ATG101: variants seen among roughly 807,000 people sequenced by gnomAD.
The protein encoded by ATG101 is autophagy-related protein 101.
Under a neutral mutation model 16.7 loss-of-function variants are expected in ATG101, and 6 were observed. That is an observed-to-expected ratio of 0.36 (90% CI 0.20 to 0.71). The LOEUF (loss-of-function observed/expected upper bound fraction) is 0.71, where lower values mean the gene tolerates loss of function less well. Ranked by LOEUF, ATG101 falls within the 30% of genes least tolerant of loss-of-function variation. ATG101 has a pLI of 0.57. For missense variants in ATG101, 200 were observed against 292.5 expected, an observed-to-expected ratio of 0.68 and a Z score of 2.31; for synonymous variants, 108 against 118.1, an observed-to-expected ratio of 0.91 and a Z score of 0.56.
chr12:52,073,831 G>T lies in ATG101; in HGVS notation c.181G>T (p.Asp61Tyr). The change falls in exon 3 of 4, where the codon GAC becomes TAC. Residue 61 changes from aspartate (D) to tyrosine (Y), a missense_variant. Physicochemically the swap from Asp to Tyr is radical, Grantham distance 160. Transcript: ENST00000336854. The part of the protein sequence containing the change: ...GTQDVDCDFI[D>Y]FTYVRVSSEE... ...CCAGGATGTTGACTGTGACTTCATC[G>T]ACTTCACTTATGTGCGTGTCTCTTC... The T allele has an allele frequency of 6.2e-7, 1 of 1,614,188 alleles. No homozygotes were observed. Among genetic ancestry groups the T allele is most frequent in the South Asian group, 1.1e-5 (1 of 91,076 alleles).
intron 2 of ATG101, among the ~76,000 whole-genome samples, chr12:52,071,808 TAAATA>T (rs770577391): frequency 2.0e-5 from 3 of 152,030 alleles, no homozygotes; most frequent in Non-Finnish European, 2.9e-5. Flanking sequence ...CCCCATTTCA[TAAATA>T]AAATAAATAA....
chr12:52,066,840 C>T (rs1025790454), upstream of ATG101, among the ~76,000 whole-genome samples: 1 of 152,190 alleles, frequency 6.6e-6, no homozygotes, highest in African/African-American at 2.4e-5. Flanking sequence ...ACTTCCCTTA[C>T]TCACTGGCAG....
chr12:52,066,890 CT>C (rs1170814194), upstream of ATG101, among the ~76,000 whole-genome samples: 1 of 152,206 alleles, frequency 6.6e-6, no homozygotes, highest in Admixed American at 6.5e-5. Context: ...CACTCCAGGA[CT>C]GGTTCCAACC....
At chr12:52,073,489 C>G in intron 2 of ATG101, 86 bp from the exon 3 acceptor site, 2 of 878,292 alleles carry the variant, frequency 2.3e-6, no homozygotes, top group Non-Finnish European at 3.5e-6. Context: ...CCAGTGGAGG[C>G]AGAGGCTGAG....
At chr12:52,071,258 A>T (rs1939645986) in intron 2 of ATG101, 1 of 152,208 alleles carries the variant, frequency 6.6e-6, no homozygotes, top group African/African-American at 2.4e-5. Flanking sequence ...ACAAACTGAA[A>T]TATACTTTTT....
upstream of ATG101, among the ~76,000 whole-genome samples, chr12:52,065,712 A>G (rs1939541910): frequency 6.6e-6 from 1 of 152,338 alleles, no homozygotes; most frequent in African/African-American, 2.4e-5. Flanking sequence ...GAGTAGGGAC[A>G]TAAGTGGGTG....
At chr12:52,072,088 C>CTAATACTTAGTGGATATTTACCATT (rs1939659136) in intron 2 of ATG101, among the ~76,000 whole-genome samples, 1 of 152,222 alleles carries the variant, frequency 6.6e-6, no homozygotes, top group African/African-American at 2.4e-5. Flanking sequence ...ATTATAGCAG[C>CTAATACTTAGTGGATATTTACCATT]TAATACTTAG....
upstream of ATG101, among the ~76,000 whole-genome samples, chr12:52,067,740 A>G (rs1592314676): frequency 6.8e-6 from 1 of 147,720 alleles, no homozygotes; most frequent in Admixed American, 6.8e-5. Flanking sequence ...GGTGTGTGCC[A>G]CCAAGCTTGG....
chr12:52,067,497 T>C (rs1337850071), upstream of ATG101, among the ~76,000 whole-genome samples: 1 of 152,182 alleles, frequency 6.6e-6, no homozygotes, highest in African/African-American at 2.4e-5. Context: ...AGAGCTCCCA[T>C]AGTGGCAAAG....
Position 52,076,854 on chromosome 12 carries a change from G to A in ATG101, c.321G>A (p.Lys107=). 8.7e-6 allele frequency: 14 copies of A among 1,614,216 alleles called. No individual in the cohort carries two copies. The highest frequency in any genetic ancestry group is 1.7e-5 in the Admixed American group (1 of 60,020). The part of the protein sequence containing the change: ...QMSLEFYQKK[K]SRWPFSDECI... ...CCTTGGAGTTCTACCAGAAGAAGAA[G>A]TCTCGCTGGCCATTCTCAGACGAGT... Residue 107 remains lysine (K), a synonymous_variant, in exon 4 of 4, where the codon AAG becomes AAA. Transcript: ENST00000336854.
chr12:52,074,088 C>T (rs760644962), intron 3 of ATG101, among the ~76,000 whole-genome samples, 186 bp downstream of exon 3: 8 of 139,022 alleles, frequency 5.8e-5, no homozygotes, highest in South Asian at 2.4e-4. Flanking sequence ...CGCGCGGGCG[C>T]GTGTGTGTGT....
intron 3 of ATG101, among the ~76,000 whole-genome samples, chr12:52,075,145 G>A (rs1399663838): frequency 2.6e-5 from 4 of 152,186 alleles, no homozygotes; most frequent in Non-Finnish European, 4.4e-5. Context: ...ACTGTGCTGG[G>A]TACTGTGTGC....
Position 52,070,144 on chromosome 12 carries a change from G to A in ATG101, c.-305G>A, listed in dbSNP as rs1452073779. 1 of 152,484 alleles carries A rather than the reference G, an allele frequency of 6.6e-6. No individual in the cohort carries two copies. The highest frequency in any genetic ancestry group is 1.5e-5 in the Non-Finnish European group (1 of 68,276). The allele number at this position is 152,484 out of a possible 1,614,324, so 9.4% of individuals were successfully genotyped here. A position where few individuals can be genotyped will look rare whatever the true frequency, so the allele number is the denominator to read the frequency against. On this transcript the variant is annotated 5_prime_UTR_variant, in exon 1 of 4. Transcript: ENST00000336854. ...CATCCCCCGGGGCAGTGGAACGCGG[G>A]CGCTCCTCCAGCTTCCGAGTCCAGC... is the stretch of plus-strand genomic sequence containing the variant.
At chr12:52,068,264 G>A (rs1311336624), upstream of ATG101, among the ~76,000 whole-genome samples, 2 of 150,466 alleles carry the variant, frequency 1.3e-5, no homozygotes, top group East Asian at 3.9e-4. Flanking sequence ...ATATTGGCCA[G>A]GCTGGTCTCA....
chr12:52,073,555 GA>G lies in ATG101; in HGVS notation c.-76-19del. Reference sequence around the variant, plus strand: ...CGTGGACTATTCTTGTCAGCATTCTGACCTGGGCTCCTTTTGCAGGGTGGCC... The same window carrying G: ...CGTGGACTATTCTTGTCAGCATTCTGCCTGGGCTCCTTTTGCAGGGTGGCC... On this transcript the variant is annotated intron_variant, in intron 2 of 3. Transcript: ENST00000336854. 1 of 1,468,788 alleles carries G rather than the reference GA, an allele frequency of 6.8e-7. No individual in the cohort carries two copies. The highest frequency in any genetic ancestry group is 2.0e-5 in the Admixed American group (1 of 50,904). The allele number at this position is 1,468,788 out of a possible 1,614,324, so 91.0% of individuals were successfully genotyped here.
At chr12:52,074,972 T>G (rs1882120) in intron 3 of ATG101, among the ~76,000 whole-genome samples, 31,207 of 146,070 alleles carry the variant, frequency 0.21, 4,078 homozygotes, top group East Asian at 0.46. Context: ...AAAAAAATAA[T>G]TTTTTTTGTA....
intron 1 of ATG101, 25 bp downstream of exon 1, chr12:52,070,267 A>T (rs201741130): frequency 2.6e-5 from 4 of 151,346 alleles, no homozygotes; most frequent in African/African-American, 9.7e-5. Flanking sequence ...GCGGCGGGGG[A>T]TACGGGACCC....
chr12:52,073,991 A>G, intron 3 of ATG101, 89 bp downstream of exon 3: 1 of 1,535,202 alleles, frequency 6.5e-7, no homozygotes, highest in South Asian at 1.2e-5. Flanking sequence ...CTTGGTGTTG[A>G]ACCAGCCTTC....
intron 2 of ATG101, among the ~76,000 whole-genome samples, chr12:52,072,912 A>G (rs1939672751): frequency 6.6e-6 from 1 of 152,112 alleles, no homozygotes; most frequent in Non-Finnish European, 1.5e-5. Flanking sequence ...AACTGGGACT[A>G]CAGGCGCCTG....
Sources: allele counts gnomAD v4.1 joint callset (sites outside exome capture counted in the v4.1 genomes callset), GRCh38; gene constraint gnomAD v4.1.1; transcripts MANE v1.5; gene names NCBI Gene and HGNC (gene_info 2026-07-23, HGNC 2026-07-21).